MACROD2: variants seen among roughly 807,000 people sequenced by gnomAD.
MACROD2 encodes mono-ADP ribosylhydrolase 2.
A neutral mutation model predicts 70.4 loss-of-function variants in MACROD2; 36 were observed. The ratio of observed to expected loss-of-function variants is 0.51; its 90% CI spans 0.39 to 0.68. The LOEUF (loss-of-function observed/expected upper bound fraction) is 0.68. Among genes scored for constraint, MACROD2 ranks in the 30% least tolerant of loss-of-function variants. The probability of loss-of-function intolerance (pLI) is 0.00; values close to 1 mark genes in which losing one functional copy is unlikely to be tolerated. For missense variants in MACROD2, 496 were observed against 538.4 expected (o/e 0.92, Z 0.78); for synonymous variants, 172 against 178.8 (o/e 0.96, Z 0.30).
intron 7 of MACROD2, among the ~76,000 whole-genome samples, chr20:15,452,336 A>C (rs2046654821): frequency 6.6e-6 from 1 of 152,152 alleles, no homozygotes; most frequent in African/African-American, 2.4e-5. Flanking sequence ...TGGCAGGAAG[A>C]TCCTGAGAGG....
chr20:14,545,119 G>A (rs2085477762), intron 4 of MACROD2, among the ~76,000 whole-genome samples: 1 of 152,148 alleles, frequency 6.6e-6, no homozygotes, highest in Non-Finnish European at 1.5e-5. Context: ...AAGTGTAGCT[G>A]ATTAAATGTA....
chr20:15,804,027 G>A (rs868277471), intron 8 of MACROD2, among the ~76,000 whole-genome samples: 1 of 152,130 alleles, frequency 6.6e-6, no homozygotes, highest in Admixed American at 6.5e-5. Flanking sequence ...TAGAAGTTTC[G>A]AGTAGATGTT....
At chr20:14,827,663 A>C (rs1175894951) in intron 5 of MACROD2, among the ~76,000 whole-genome samples, 5 of 150,496 alleles carry the variant, frequency 3.3e-5, no homozygotes. Context: ...ACTGTGTTTT[A>C]TTTTTGTGTA....
At chr20:15,483,483 A>G (rs772560946) in intron 7 of MACROD2, among the ~76,000 whole-genome samples, 4 of 152,170 alleles carry the variant, frequency 2.6e-5, no homozygotes, top group Non-Finnish European at 5.9e-5. Context: ...GAAGTCAGGT[A>G]ATATCAGTCC....
At chr20:15,506,041 T>C (rs2047422264) in intron 8 of MACROD2, among the ~76,000 whole-genome samples, 2 of 152,170 alleles carry the variant, frequency 1.3e-5, no homozygotes, top group Non-Finnish European at 2.9e-5. Flanking sequence ...CAGGGGATCC[T>C]GAGATGCTGT....
intron 15 of MACROD2, 135 bp downstream of exon 15, chr20:15,987,293 A>C: frequency 1.4e-6 from 1 of 696,682 alleles, no homozygotes; most frequent in Non-Finnish European, 2.4e-6. Context: ...TTAACCCCAA[A>C]TCTCCGTTTG....
Position 15,128,623 on chromosome 20 carries a change from G to A in MACROD2, c.419-101317G>A, listed in dbSNP as rs1013434596. 3.0e-4 allele frequency among the ~76,000 whole-genome samples: 46 copies of A among 152,112 alleles called. 1 individual carries two copies. Among genetic ancestry groups the A allele is most frequent in the African/African-American group, 1.1e-3 (45 of 41,534 alleles). ...TAGCTGTGAGGGCCAATGGACTTGG[G>A]TTACATATAAGAATTATATATACAT... is the stretch of plus-strand genomic sequence containing the variant. On this transcript the variant is annotated intron_variant, in intron 5 of 17. Coordinates refer to ENST00000684519, the MANE Select transcript of MACROD2 (RefSeq NM_001351661.2).
intron 5 of MACROD2, among the ~76,000 whole-genome samples, chr20:14,732,169 G>A (rs988519747): frequency 3.3e-5 from 5 of 152,106 alleles, no homozygotes; most frequent in African/African-American, 1.2e-4. Flanking sequence ...CTTTGAAAAG[G>A]TATAGAGTTC....
intron 13 of MACROD2, among the ~76,000 whole-genome samples, chr20:15,978,611 TC>T (rs1568682363): frequency 2.8e-4 from 41 of 144,974 alleles, no homozygotes; most frequent in Admixed American, 1.1e-3. Context: ...TCTCTCTCTC[TC>T]TCTCGTTCTT....
At chr20:14,315,697 A>G (rs1168230409) in intron 3 of MACROD2, among the ~76,000 whole-genome samples, 3 of 152,244 alleles carry the variant, frequency 2.0e-5, no homozygotes, top group East Asian at 1.9e-4. Flanking sequence ...ATGATTTTCC[A>G]TTATAGACAA....
chr20:16,021,033 C>T (rs1318071065), intron 15 of MACROD2, among the ~76,000 whole-genome samples: 1 of 152,122 alleles, frequency 6.6e-6, no homozygotes, highest in Non-Finnish European at 1.5e-5. Flanking sequence ...ACTCATCCAC[C>T]AACTGAATCA....
chr20:14,831,403 C>T (rs2072963468), intron 5 of MACROD2, among the ~76,000 whole-genome samples: 2 of 151,960 alleles, frequency 1.3e-5, no homozygotes, highest in Non-Finnish European at 2.9e-5. Flanking sequence ...TTGCAGATAT[C>T]CTTTTGGAAT....
chr20:15,692,912 C>T (rs1419158308), intron 8 of MACROD2, among the ~76,000 whole-genome samples: 1 of 152,058 alleles, frequency 6.6e-6, no homozygotes, highest in Non-Finnish European at 1.5e-5. Flanking sequence ...AGAGCAGTTT[C>T]CCCCATGCTG....
intron 5 of MACROD2, among the ~76,000 whole-genome samples, chr20:15,045,266 C>T (rs965803246): frequency 6.6e-6 from 1 of 152,168 alleles, no homozygotes; most frequent in African/African-American, 2.4e-5. Flanking sequence ...TTTTAATGCT[C>T]TTCTAAATAA....
chr20:14,485,457 T>C (rs1264536727), intron 3 of MACROD2, among the ~76,000 whole-genome samples: 1 of 152,032 alleles, frequency 6.6e-6, no homozygotes, highest in Non-Finnish European at 1.5e-5. Context: ...ATCCCAGCAC[T>C]TTGGGAGGCT....
intron 3 of MACROD2, among the ~76,000 whole-genome samples, chr20:14,474,988 G>T (rs973783288): frequency 6.6e-6 from 1 of 151,598 alleles, no homozygotes; most frequent in East Asian, 1.9e-4. Flanking sequence ...GTGTACTCCT[G>T]CCATTTTGTT....
chr20:15,430,669 A>T (rs1196415248), intron 6 of MACROD2, among the ~76,000 whole-genome samples: 1 of 151,996 alleles, frequency 6.6e-6, no homozygotes, highest in East Asian at 1.9e-4. Context: ...CTGTGCTGGT[A>T]AATGTTTAAA....
chr20:15,712,224 G>A (rs1459292163), intron 8 of MACROD2, among the ~76,000 whole-genome samples: 3 of 152,178 alleles, frequency 2.0e-5, no homozygotes, highest in Non-Finnish European at 2.9e-5. Context: ...AGCTTTGTGG[G>A]TTGTACTGCG....
chr20:14,594,458 A>G (rs1981988626), intron 4 of MACROD2, among the ~76,000 whole-genome samples: 1 of 152,194 alleles, frequency 6.6e-6, no homozygotes. Flanking sequence ...ATTTTTTAAA[A>G]TTTTCCCTAT....
Sources: gnomAD v4.1 joint callset for allele counts (sites outside exome capture counted in the v4.1 genomes callset) on GRCh38, gnomAD v4.1.1 for gene constraint, MANE v1.5 for transcripts, NCBI Gene and HGNC (gene_info 2026-07-23, HGNC 2026-07-21) for gene names.